The following KDM4C variants were observed in gnomAD, a reference collection of about 807,000 sequenced individuals.
The protein encoded by KDM4C is lysine demethylase 4C.
KDM4C carries 81 observed loss-of-function variants against 129.3 expected under a neutral mutation model. The ratio of observed to expected loss-of-function variants is 0.63; its 90% CI spans 0.52 to 0.75. The LOEUF (loss-of-function observed/expected upper bound fraction) is 0.75, where lower values mean the gene tolerates loss of function less well. Among genes scored for constraint, KDM4C ranks in the 30% least tolerant of loss-of-function variants. The pLI, the probability that KDM4C is intolerant of heterozygous loss-of-function variation, is 0.00. For synonymous variants in KDM4C, 573 were observed against 456.1 expected (o/e 1.26, Z -3.26); for missense variants, 1,457 against 1,304.0 (o/e 1.12, Z -1.81).
intron 8 of KDM4C, among the ~76,000 whole-genome samples, chr9:6,934,382 A>C (rs1589184777): frequency 1.3e-5 from 2 of 150,452 alleles, no homozygotes; most frequent in Admixed American, 1.3e-4. Flanking sequence ...TGGGAGGCTG[A>C]GGCAGGAGAA....
rs189988359 is a variant in KDM4C at position 7,017,116 on chromosome 9, T to G, written c.2259+1187T>G. On this transcript the variant is annotated intron_variant, in intron 15 of 21. Coordinates refer to ENST00000381309, the MANE Select transcript of KDM4C (RefSeq NM_015061.6). ...ATGCCTGGGTAATTTTTAAATTCTT[T>G]TGTAGAGACAAGGTCTCACTATGTT... is the stretch of plus-strand genomic sequence containing the variant. 1.9e-3 allele frequency among the ~76,000 whole-genome samples: 289 copies of G among 152,256 alleles called. 3 individuals carry two copies. Among genetic ancestry groups the G allele is most frequent in the African/African-American group, 6.4e-3 (264 of 41,544 alleles).
At chr9:6,732,125 G>C (rs34089484) in intron 1 of KDM4C, among the ~76,000 whole-genome samples, 1 of 151,628 alleles carries the variant, frequency 6.6e-6, no homozygotes, top group African/African-American at 2.4e-5. Flanking sequence ...CCCAGCACTT[G>C]GGAGGCCAAG....
At chr9:7,038,829 C>A (rs1428470188) in intron 15 of KDM4C, among the ~76,000 whole-genome samples, 2 of 151,872 alleles carry the variant, frequency 1.3e-5, no homozygotes, top group African/African-American at 4.8e-5. Flanking sequence ...AGATCTCATT[C>A]TTTTCCTTTT....
chr9:7,140,317 C>T (rs1310962011), intron 19 of KDM4C, among the ~76,000 whole-genome samples: 3 of 152,008 alleles, frequency 2.0e-5, no homozygotes, highest in Admixed American at 6.5e-5. Flanking sequence ...TTGTACAGGG[C>T]TTTATGTTTG....
chr9:7,170,986 G>C (rs1417020962), intron 21 of KDM4C: 1 of 172,178 alleles, frequency 5.8e-6, no homozygotes, highest in Admixed American at 6.6e-5. Flanking sequence ...ATTTGTGTTT[G>C]GCCGCGTTAA....
At chr9:6,843,861 T>A (rs1417769107) in intron 4 of KDM4C, among the ~76,000 whole-genome samples, 1 of 152,218 alleles carries the variant, frequency 6.6e-6, no homozygotes, top group African/African-American at 2.4e-5. Flanking sequence ...ACATGCCATC[T>A]TTTTCTTTTT....
chr9:7,166,496 C>T (rs908025464), intron 20 of KDM4C, among the ~76,000 whole-genome samples: 1 of 151,802 alleles, frequency 6.6e-6, no homozygotes, highest in African/African-American at 2.4e-5. Context: ...TCCCCCTTTG[C>T]ATATGGTATT....
rs1227429110 is a variant in KDM4C at position 6,898,092 on chromosome 9, TGTTTGATGTTAG to T, written c.921+4869_921+4880del. Among the ~76,000 whole-genome samples, 5 of 152,194 alleles carry T rather than the reference TGTTTGATGTTAG, an allele frequency of 3.3e-5. No homozygotes were observed. In the East Asian group the frequency reaches 7.7e-4, roughly 23 times the overall value. The stretch of plus-strand genomic sequence containing the variant: ...TCCGTTTGCTGGGATGAAGTGCAGT[TGTTTGATGTTAG>T]GTTTGATGGATTTGTTTGCCACTGC... On this transcript the variant is annotated intron_variant, in intron 8 of 21. Coordinates refer to ENST00000381309, the MANE Select transcript of KDM4C (RefSeq NM_015061.6).
intron 17 of KDM4C, among the ~76,000 whole-genome samples, chr9:7,083,570 G>T (rs1470841337): frequency 1.3e-5 from 2 of 152,176 alleles, no homozygotes; most frequent in Admixed American, 6.5e-5. Context: ...GAGTATGGTA[G>T]GCAGTTATAA....
At chr9:6,867,839 C>G (rs948023249) in intron 5 of KDM4C, among the ~76,000 whole-genome samples, 2 of 152,158 alleles carry the variant, frequency 1.3e-5, no homozygotes, top group Admixed American at 1.3e-4. Context: ...CCCTGCACTT[C>G]CCCACTGTCT....
intron 5 of KDM4C, among the ~76,000 whole-genome samples, chr9:6,866,249 A>G (rs1841957845): frequency 6.6e-6 from 1 of 151,114 alleles, no homozygotes. Flanking sequence ...CCTTGGATTT[A>G]TTTACCAAGG....
In KDM4C at chr9:6,893,202, A is replaced by G; in HGVS notation, c.891A>G (p.Arg297=). ...CAESTNFATV[R]WIDYGKVAKL... ...AATCTACAAATTTTGCTACTGTCAGATGGATTGACTATGGAAAAGTTGCCA... is the reference window on the plus strand; with the variant it reads ...AATCTACAAATTTTGCTACTGTCAGGTGGATTGACTATGGAAAAGTTGCCA... The change falls in exon 8 of 22, where the codon AGA becomes AGG. Residue 297 remains arginine, a synonymous_variant. Coordinates refer to ENST00000381309, the MANE Select transcript of KDM4C (RefSeq NM_015061.6). 1.2e-6 allele frequency: 2 copies of G among 1,610,994 alleles called. No homozygotes were observed. The highest frequency in any genetic ancestry group is 1.7e-6 in the Non-Finnish European group (2 of 1,178,624).
chr9:6,947,956 G>A (rs11794838), intron 8 of KDM4C: 38,859 of 151,850 alleles, frequency 0.26, 5,496 homozygotes, highest in South Asian at 0.42. Flanking sequence ...TGTCAGTCTC[G>A]TATATGTCCC....
chr9:6,839,023 C>T (rs1836401913), intron 4 of KDM4C, among the ~76,000 whole-genome samples: 1 of 152,076 alleles, frequency 6.6e-6, no homozygotes, highest in Admixed American at 6.5e-5. Context: ...ATTTTTTCTC[C>T]ATGCGTGTTA....
intron 8 of KDM4C, among the ~76,000 whole-genome samples, chr9:6,920,079 C>T (rs1821197383): frequency 6.6e-6 from 1 of 152,052 alleles, no homozygotes; most frequent in Non-Finnish European, 1.5e-5. Flanking sequence ...CCAGCCCATG[C>T]AGAAGAACTG....
rs113501931 is a variant in KDM4C at position 6,981,147 on chromosome 9, C to T, written c.1115+29C>T. On this transcript the variant is annotated intron_variant, in intron 9 of 21. Transcript: ENST00000381309. Reference sequence around the variant, plus strand: ...ATGACCCCTCACCCCACTGACCTGCCTTGCCTGTCGTGTTTTCTCAGTTAA... The same window carrying T: ...ATGACCCCTCACCCCACTGACCTGCTTTGCCTGTCGTGTTTTCTCAGTTAA... 5.4e-3 allele frequency: 8,483 copies of T among 1,556,872 alleles called. 455 individuals carry two copies. The African/African-American group carries it at 0.11, about 19-fold the overall frequency.
intron 1 of KDM4C, among the ~76,000 whole-genome samples, chr9:6,729,573 A>G (rs1262174051): frequency 7.5e-6 from 1 of 134,116 alleles, no homozygotes; most frequent in African/African-American, 3.2e-5. Context: ...TCCATAACTG[A>G]TTATTTTTGC....
chr9:6,986,747 T>A, intron 11 of KDM4C, 81 bp downstream of exon 11: 1 of 991,406 alleles, frequency 1.0e-6, no homozygotes, highest in African/African-American at 1.6e-5. Flanking sequence ...TGCACTGAAA[T>A]CCTCCTTTAG....
In KDM4C at chr9:7,174,778, A is replaced by T; in HGVS notation, c.*49A>T. ...CAGAGCAGCTTGGGTTGGAAGAGAGAAGATGAAGGGACATCCTTGGGGCTG... is the reference window on the plus strand; with the variant it reads ...CAGAGCAGCTTGGGTTGGAAGAGAGTAGATGAAGGGACATCCTTGGGGCTG... On this transcript the variant is annotated 3_prime_UTR_variant, in exon 22 of 22. Transcript: ENST00000381309. The T allele has an allele frequency of 6.6e-7, 1 of 1,513,180 alleles. No individual in the cohort carries two copies. The highest frequency in any genetic ancestry group is 9.1e-7 in the Non-Finnish European group (1 of 1,093,986). The allele number at this position is 1,513,180 out of a possible 1,614,324, so 93.7% of individuals were successfully genotyped here. A position where few individuals can be genotyped will look rare whatever the true frequency, so the allele number is the denominator to read the frequency against.
Sources: allele counts gnomAD v4.1 joint callset (sites outside exome capture counted in the v4.1 genomes callset), GRCh38; gene constraint gnomAD v4.1.1; transcripts MANE v1.5; gene names NCBI Gene and HGNC (gene_info 2026-07-23, HGNC 2026-07-21).